The following NRG1 variants were observed in gnomAD, a reference collection of about 807,000 sequenced individuals.
NRG1 encodes pro-neuregulin-1, membrane-bound isoform.
A neutral mutation model predicts 63.8 loss-of-function variants in NRG1; 18 were observed. That is an observed-to-expected ratio of 0.28 (90% CI 0.19 to 0.42). NRG1 has a LOEUF of 0.42. Ranked by LOEUF, NRG1 falls within the 10% of genes least tolerant of loss-of-function variation. NRG1 has a pLI of 1.00. For synonymous variants in NRG1, 302 were observed against 301.3 expected (o/e 1.00, Z -0.02); for missense variants, 762 against 814.7 (o/e 0.94, Z 0.79).
chr8:32,030,430 A>T (rs1818087392), intron 1 of NRG1: 1 of 152,234 alleles, frequency 6.6e-6, no homozygotes, highest in Admixed American at 6.5e-5. Context: ...CTGATGCTAA[A>T]GTCACCCCGA....
chr8:31,889,952 A>G (rs1831020934), intron 1 of NRG1, among the ~76,000 whole-genome samples: 1 of 152,030 alleles, frequency 6.6e-6, no homozygotes, highest in African/African-American at 2.4e-5. Context: ...TATAAAGTGA[A>G]AAAAAAGAAA....
chr8:32,677,997 G>C (rs1380889537), intron 5 of NRG1, among the ~76,000 whole-genome samples: 2 of 152,020 alleles, frequency 1.3e-5, no homozygotes, highest in East Asian at 3.9e-4. Context: ...TTTCAATTCA[G>C]ATTCTATTTA....
chr8:32,148,648 T>A (rs1837173088), intron 1 of NRG1, among the ~76,000 whole-genome samples: 1 of 152,202 alleles, frequency 6.6e-6, no homozygotes, highest in Non-Finnish European at 1.5e-5. Flanking sequence ...CCAAATGACC[T>A]CTGTTGGAAG....
At chr8:31,996,036 C>T (rs184551907) in intron 1 of NRG1, among the ~76,000 whole-genome samples, 48 of 151,752 alleles carry the variant, frequency 3.2e-4, no homozygotes, top group Admixed American at 1.3e-4. Flanking sequence ...TCTTCTTTCA[C>T]GGTGCCCATT....
intron 1 of NRG1, among the ~76,000 whole-genome samples, chr8:32,241,221 G>A (rs1317169429): frequency 1.3e-5 from 2 of 152,104 alleles, no homozygotes; most frequent in Non-Finnish European, 2.9e-5. Context: ...GATGCTGCTG[G>A]TCAGACCACA....
intron 1 of NRG1, among the ~76,000 whole-genome samples, chr8:32,310,800 A>G (rs971684251): frequency 6.6e-6 from 1 of 152,216 alleles, no homozygotes; most frequent in Non-Finnish European, 1.5e-5. Flanking sequence ...AAGGTTCTCC[A>G]TGACACATAT....
chr8:32,767,099 C>T (rs1243462047), exon 12 of NRG1: 1 of 152,174 alleles, frequency 6.6e-6, no homozygotes, highest in African/African-American at 2.4e-5. Context: ...TGCAAAACTC[C>T]TTTTGTTTCA....
exon 12 of NRG1, chr8:32,764,435 A>G: frequency 5.4e-6 from 8 of 1,469,862 alleles, no homozygotes; most frequent in Non-Finnish European, 6.3e-6. Context: ...CACCTGTAAA[A>G]CTTTATTTTA....
chr8:32,688,406 G>A (rs1471276938), intron 5 of NRG1, among the ~76,000 whole-genome samples: 1 of 152,018 alleles, frequency 6.6e-6, no homozygotes, highest in Non-Finnish European at 1.5e-5. Flanking sequence ...ACGAGGATTT[G>A]TCAAAAGCAG....
At chr8:32,764,428 C>T (rs746284128) in exon 12 of NRG1, 1 of 1,492,724 alleles carries the variant, frequency 6.7e-7, no homozygotes, top group Non-Finnish European at 8.9e-7. Context: ...ATAGATTCAC[C>T]TGTAAAACTT....
intron 5 of NRG1, among the ~76,000 whole-genome samples, chr8:32,718,577 A>G (rs755475880): frequency 1.2e-4 from 19 of 152,106 alleles, no homozygotes; most frequent in Non-Finnish European, 2.4e-4. Context: ...CAGATTATCA[A>G]TGGCTTCTCT....
intron 1 of NRG1, among the ~76,000 whole-genome samples, chr8:31,712,572 A>G (rs1024562740): frequency 1.3e-5 from 2 of 151,958 alleles, no homozygotes; most frequent in African/African-American, 4.8e-5. Context: ...CCAGCCCATG[A>G]TCTTTCTTTT....
intron 1 of NRG1, among the ~76,000 whole-genome samples, chr8:32,251,510 A>G (rs1849103551): frequency 6.6e-6 from 1 of 152,170 alleles, no homozygotes; most frequent in Non-Finnish European, 1.5e-5. Flanking sequence ...TAGTGCTACA[A>G]TAAACATATG....
At chr8:31,983,624 T>A (rs574852156) in intron 1 of NRG1, among the ~76,000 whole-genome samples, 1 of 152,140 alleles carries the variant, frequency 6.6e-6, no homozygotes, top group South Asian at 2.1e-4. Flanking sequence ...TCATGTGATG[T>A]GCTCTGCTGG....
At chr8:31,715,059 G>T (rs568212613) in intron 1 of NRG1, among the ~76,000 whole-genome samples, 16 of 152,094 alleles carry the variant, frequency 1.1e-4, no homozygotes, top group African/African-American at 3.6e-4. Flanking sequence ...ACTGATCATA[G>T]AAATGAAACC....
At chr8:32,035,516 A>T (rs1432071083) in intron 1 of NRG1, among the ~76,000 whole-genome samples, 1 of 152,132 alleles carries the variant, frequency 6.6e-6, no homozygotes, top group South Asian at 2.1e-4. Flanking sequence ...TGTCTTGATG[A>T]TCTGCCTAAT....
intron 5 of NRG1, among the ~76,000 whole-genome samples, chr8:32,639,920 T>A (rs1250780712): frequency 6.6e-6 from 1 of 152,242 alleles, no homozygotes; most frequent in Non-Finnish European, 1.5e-5. Context: ...CTTCTCTTAC[T>A]GCATTAAACT....
chr8:31,809,404 GTA>G (rs35009490), intron 1 of NRG1, among the ~76,000 whole-genome samples: 8 of 140,092 alleles, frequency 5.7e-5, no homozygotes, highest in East Asian at 2.2e-4. Flanking sequence ...GTGTGTGTGT[GTA>G]TATATATATA....
At chr8:32,653,857 A>T (rs1320281892) in intron 5 of NRG1, among the ~76,000 whole-genome samples, 1 of 152,216 alleles carries the variant, frequency 6.6e-6, no homozygotes, top group African/African-American at 2.4e-5. Context: ...TTCATATACT[A>T]TTCACATGAA....
Sources: allele counts gnomAD v4.1 joint callset (sites outside exome capture counted in the v4.1 genomes callset), GRCh38; gene constraint gnomAD v4.1.1; transcripts MANE v1.5; gene names NCBI Gene and HGNC (gene_info 2026-07-23, HGNC 2026-07-21).